The following CEP120 variants were observed in gnomAD, a reference collection of about 807,000 sequenced individuals.
CEP120 encodes the protein centrosomal protein 120.
A neutral mutation model predicts 126.5 loss-of-function variants in CEP120; 113 were observed. The observed-to-expected ratio is 0.89, with a 90% CI of 0.77 to 1.04. The LOEUF is 1.04. Among genes scored for constraint, CEP120 ranks in the 50% least tolerant of loss-of-function variants. CEP120 has a pLI of 0.00. For missense variants in CEP120, 1,230 were observed against 1,155.7 expected (o/e 1.06, Z -0.93); for synonymous variants, 400 against 394.3 (o/e 1.01, Z -0.17).
At chr5:123,407,683 T>C (rs79827841) in intron 4 of CEP120, among the ~76,000 whole-genome samples, 4,640 of 152,242 alleles carry the variant, frequency 0.03, 239 homozygotes, top group African/African-American at 0.11. Context: ...CAGAAAATCA[T>C]TGACATAACT....
chr5:123,390,980 A>G (rs1772354960), intron 7 of CEP120, 130 bp downstream of exon 7: 1 of 672,996 alleles, frequency 1.5e-6, no homozygotes, highest in Non-Finnish European at 2.5e-6. Context: ...GAGGTATCAT[A>G]TAACAAAGGT....
intron 18 of CEP120, among the ~76,000 whole-genome samples, chr5:123,356,829 T>C (rs1041278070): frequency 5.3e-5 from 8 of 152,158 alleles, no homozygotes; most frequent in Non-Finnish European, 1.2e-4. Context: ...CAACAAATAC[T>C]GTTATTGTTG....
chr5:123,396,880 A>C (rs972587671), intron 5 of CEP120, among the ~76,000 whole-genome samples: 1 of 152,242 alleles, frequency 6.6e-6, no homozygotes, highest in Non-Finnish European at 1.5e-5. Context: ...TCTAAAATGA[A>C]AATGATCAAC....
intron 18 of CEP120, among the ~76,000 whole-genome samples, chr5:123,358,633 A>G (rs986419699): frequency 7.2e-5 from 11 of 152,082 alleles, no homozygotes; most frequent in Non-Finnish European, 7.4e-5. Flanking sequence ...CATTTTCTAA[A>G]ACGTAAGAAA....
In CEP120 at chr5:123,390,038, G is replaced by T. The variant is rs762960922; in HGVS notation, c.1141C>A (p.Pro381Thr). 4.3e-6 allele frequency: 7 copies of T among 1,614,002 alleles called. No individual in the cohort carries two copies. Among genetic ancestry groups the T allele is most frequent in the Non-Finnish European group, 5.1e-6 (6 of 1,179,884 alleles). The change falls in exon 8 of 20, where the codon CCA becomes ACA. Residue 381 changes from proline (P) to threonine (T), a missense_variant. Coordinates refer to ENST00000306467, the MANE Select transcript of CEP120 (RefSeq NM_001375405.1). Reference sequence around the variant, plus strand: ...TGAGATGGAACAGGGGACACTGTTGGTGATTTTGGCCCAGTAAGTGTCTTC... The same window carrying T: ...TGAGATGGAACAGGGGACACTGTTGTTGATTTTGGCCCAGTAAGTGTCTTC... ...KEKTLTGPKS[P>T]TVSPVPSHNQ... is the part of the protein sequence containing the mutation.
At chr5:123,401,054 G>A in intron 4 of CEP120, 2 of 1,563,836 alleles carry the variant, frequency 1.3e-6, no homozygotes, top group Non-Finnish European at 1.7e-6. Context: ...CGGGGCTTGT[G>A]AGGCCCCCAC....
intron 4 of CEP120, among the ~76,000 whole-genome samples, chr5:123,411,936 T>A (rs1413502493): frequency 6.6e-6 from 1 of 152,196 alleles, no homozygotes; most frequent in Non-Finnish European, 1.5e-5. Flanking sequence ...AGGCTGCAAG[T>A]ATGTGGGGAC....
intron 18 of CEP120, among the ~76,000 whole-genome samples, chr5:123,351,455 G>A (rs1226481457): frequency 6.6e-6 from 1 of 152,052 alleles, no homozygotes; most frequent in Non-Finnish European, 1.5e-5. Flanking sequence ...ATAAATAATG[G>A]TGATGTGAAG....
chr5:123,356,586 C>T (rs1281079992), intron 18 of CEP120, among the ~76,000 whole-genome samples: 1 of 148,468 alleles, frequency 6.7e-6, no homozygotes, highest in African/African-American at 2.5e-5. Flanking sequence ...TTTTATGTTC[C>T]TTCTTCTCTC....
rs367752008 is a variant in CEP120, at chr5:123,416,046, G to T, written c.285C>A (p.Ile95=). ...VTSAKETIGY[I]VLDLRTAQET... is the part of the protein sequence containing the mutation. ...CTTGAGCGGTTCTTAAATCCAGAAC[G>T]ATGTAACCTATGGTTTCCTTGGCTG... The change falls in exon 3 of 20, where the codon ATC becomes ATA. Residue 95 remains isoleucine, a synonymous_variant. Coordinates refer to ENST00000306467, the MANE Select transcript of CEP120 (RefSeq NM_001375405.1). 1 of 1,613,838 alleles carries T rather than the reference G, an allele frequency of 6.2e-7. No individual in the cohort carries two copies. The highest frequency in any genetic ancestry group is 8.5e-7 in the Non-Finnish European group (1 of 1,179,872).
chr5:123,395,457 T>C (rs1475775962), intron 5 of CEP120, among the ~76,000 whole-genome samples: 1 of 152,124 alleles, frequency 6.6e-6, no homozygotes, highest in Non-Finnish European at 1.5e-5. Context: ...GCTAATTTCA[T>C]CCCAAACATA....
At chr5:123,404,331 G>A (rs113626127) in intron 4 of CEP120, among the ~76,000 whole-genome samples, 6 of 152,242 alleles carry the variant, frequency 3.9e-5, no homozygotes, top group Non-Finnish European at 7.4e-5. Context: ...CAAACACATC[G>A]CTGAAATTCA....
chr5:123,401,563 G>A (rs111295980), intron 4 of CEP120: 298,467 of 1,357,018 alleles, frequency 0.22, 35,731 homozygotes, highest in Non-Finnish European at 0.24. Context: ...TGACCTCAGC[G>A]ATGACGCTGT....
At chr5:123,386,091 T>G (rs1477662199) in intron 10 of CEP120, among the ~76,000 whole-genome samples, 1 of 152,160 alleles carries the variant, frequency 6.6e-6, no homozygotes, top group African/African-American at 2.4e-5. Context: ...CCATTTCAGA[T>G]AGTCAGATTA....
chr5:123,383,710 T>G (rs1175894481), intron 11 of CEP120, among the ~76,000 whole-genome samples: 1 of 152,162 alleles, frequency 6.6e-6, no homozygotes, highest in Non-Finnish European at 1.5e-5. Flanking sequence ...ACATAAGCAA[T>G]GCTTCTAGGA....
chr5:123,389,602 G>T (rs1173189710), intron 8 of CEP120, among the ~76,000 whole-genome samples: 1 of 152,128 alleles, frequency 6.6e-6, no homozygotes, highest in Admixed American at 6.5e-5. Flanking sequence ...CTGGGTTCAA[G>T]CAATTCTCCT....
At chr5:123,359,936 G>T (rs949926359) in intron 18 of CEP120, among the ~76,000 whole-genome samples, 1 of 151,924 alleles carries the variant, frequency 6.6e-6, no homozygotes, top group Non-Finnish European at 1.5e-5. Flanking sequence ...TACCAGCTGG[G>T]TTTTGTCATT....
intron 17 of CEP120, 90 bp downstream of exon 17, chr5:123,372,559 CA>C (rs2127021189): frequency 7.6e-7 from 1 of 1,310,234 alleles, no homozygotes; most frequent in South Asian, 1.2e-5. Context: ...AACACTACAG[CA>C]AAACATTATT....
intron 1 of CEP120, among the ~76,000 whole-genome samples, chr5:123,419,556 A>C (rs563460177): frequency 3.7e-4 from 49 of 133,840 alleles, no homozygotes; most frequent in Non-Finnish European, 6.3e-4. Flanking sequence ...ACAAAAACAA[A>C]AAAAAAAAAA....
Sources: gnomAD v4.1 joint callset for allele counts (sites outside exome capture counted in the v4.1 genomes callset) on GRCh38, gnomAD v4.1.1 for gene constraint, MANE v1.5 for transcripts, NCBI Gene and HGNC (gene_info 2026-07-23, HGNC 2026-07-21) for gene names.